Variants in NAPA observed in about 807,000 individuals in gnomAD.
The protein encoded by NAPA is alpha-soluble NSF attachment protein.
Under a neutral mutation model 48.0 loss-of-function variants are expected in NAPA, and 18 were observed. The ratio of observed to expected loss-of-function variants is 0.38; its 90% CI spans 0.26 to 0.56. NAPA has a LOEUF of 0.56. NAPA is among the 20% of genes least tolerant of loss of function. NAPA has a pLI of 0.77. For missense variants in NAPA, 315 were observed against 385.0 expected, an observed-to-expected ratio of 0.82 and a Z score of 1.52; for synonymous variants, 152 against 149.9, an observed-to-expected ratio of 1.01 and a Z score of -0.10.
At chr19:47,510,109 TG>T (rs2122780050) in intron 1 of NAPA, among the ~76,000 whole-genome samples, 1 of 152,316 alleles carries the variant, frequency 6.6e-6, no homozygotes, top group Admixed American at 6.5e-5. Context: ...TTGTGGATCT[TG>T]GCAGCTGGCA....
Position 47,492,055 on chromosome 19 carries a change from G to A in NAPA, c.626C>T (p.Ala209Val), listed in dbSNP as rs200232586. Reference protein sequence around the residue: ...KYSAKDYFFKAALCHFCIDML... With the variant: ...KYSAKDYFFKVALCHFCIDML... ...GTCGATGCAGAAGTGGCAGAGGGCC[G>A]CCTTGAAGAAGTAGTCTTTGGCGCT... Residue 209 changes from alanine (A) to valine (V), a missense_variant, in exon 8 of 11, where the codon GCG (alanine) becomes GTG (valine). By Grantham distance (64) the Ala-to-Val change is moderately conservative. Around this residue, in one of 3 missense-constraint regions of NAPA, gnomAD observed 137 missense variants for 150.1 expected, o/e 0.91. Coordinates refer to ENST00000263354, the MANE Select transcript of NAPA (RefSeq NM_003827.4). 1.2e-5 allele frequency: 19 copies of A among 1,613,978 alleles called. No individual in the cohort carries two copies. The highest frequency in any genetic ancestry group is 1.7e-5 in the Admixed American group (1 of 60,002).
At chr19:47,495,351 C>G (rs1380163250) in intron 4 of NAPA, 199 bp downstream of exon 4, 1 of 632,364 alleles carries the variant, frequency 1.6e-6, no homozygotes, top group Non-Finnish European at 2.8e-6. Context: ...AGGGGGCCGT[C>G]AGGCTGGTGG....
downstream of NAPA, among the ~76,000 whole-genome samples, chr19:47,485,529 G>C (rs538650735): frequency 3.3e-5 from 5 of 152,330 alleles, no homozygotes; most frequent in African/African-American, 1.2e-4. Context: ...GACACCTCGA[G>C]CACACACAGA....
downstream of NAPA, among the ~76,000 whole-genome samples, chr19:47,485,643 G>A (rs1489784186): frequency 6.6e-6 from 1 of 152,184 alleles, no homozygotes; most frequent in Admixed American, 6.5e-5. Context: ...CAGAAAATAT[G>A]TGTCAAAAAT....
Position 47,493,775 on chromosome 19 carries a change from G to T in NAPA, c.343-282C>A, listed in dbSNP as rs1426901133. 2.7e-5 allele frequency: 12 copies of T among 445,942 alleles called. No homozygotes were observed. Among genetic ancestry groups the T allele is most frequent in the Non-Finnish European group, 1.7e-5 (4 of 241,646 alleles). The allele number at this position is 445,942 out of a possible 1,614,324, so 27.6% of individuals were successfully genotyped here. A position where few individuals can be genotyped will look rare whatever the true frequency, so the allele number is the denominator to read the frequency against. ...CCATCCCATCCACGAGGGCACAGAT[G>T]GTGTGACACCAGAGAGAATGTGAGC... On this transcript the variant is annotated intron_variant, in intron 4 of 10. Transcript: ENST00000263354. The surrounding 1 kb of genome is among the most constrained non-coding windows in gnomAD (Gnocchi z 6.4).
At chr19:47,485,930 C>T (rs539276726), downstream of NAPA, among the ~76,000 whole-genome samples, 1 of 152,276 alleles carries the variant, frequency 6.6e-6, no homozygotes, top group East Asian at 1.9e-4. Flanking sequence ...GTCTTCCCGC[C>T]CTAGTAACCT....
At position 47,513,290 on chromosome 19, in the gene NAPA, C is replaced by T. The variant is rs375102987; in HGVS notation, c.98+1553G>A. Among the ~76,000 whole-genome samples the T allele has an allele frequency of 2.6e-5, 4 of 152,236 alleles. No individual in the cohort carries two copies. In the East Asian group the frequency reaches 7.7e-4, roughly 29 times the overall value. On this transcript the variant is annotated intron_variant, in intron 1 of 10. Transcript: ENST00000263354. ...CTCCCTCTCCTGACCCCTCCCAGAC[C>T]TCTCCGCTCGGGCGTCCACCTTGAA...
chr19:47,508,776 C>A (rs1460055279), intron 1 of NAPA, among the ~76,000 whole-genome samples: 1 of 151,956 alleles, frequency 6.6e-6, no homozygotes, highest in African/African-American at 2.4e-5. Context: ...TGCTGAGATT[C>A]CATTCTTTAT....
rs1447616163 is a variant in NAPA at position 47,501,649 on chromosome 19, T to G, written c.179-900A>C. On this transcript the variant is annotated intron_variant, in intron 2 of 10. Transcript: ENST00000263354. ...ACCGTGCCTGAAGCCTCATCCATCC[T>G]GTGCTCATCTGCACACGGTCAGCTT... The G allele has an allele frequency of 3.3e-5, 5 of 152,290 alleles. No individual in the cohort carries two copies. The East Asian group carries it at 9.6e-4, about 29-fold the overall frequency. 9.4% of individuals were successfully genotyped at this position (152,290 alleles called of 1,614,324 possible).
At chr19:47,492,309 C>A in intron 7 of NAPA, 190 bp from the exon 8 acceptor site, 1 of 565,490 alleles carries the variant, frequency 1.8e-6, no homozygotes, top group Non-Finnish European at 3.2e-6. Flanking sequence ...CGTGAGCGAC[C>A]AAGATCAGGG....
At chr19:47,488,916 CAAA>C (rs71334209) in intron 10 of NAPA, 5 of 95,254 alleles carry the variant, frequency 5.2e-5, no homozygotes, top group Non-Finnish European at 6.6e-5. Flanking sequence ...GACTCCGTCT[CAAA>C]AAAAAAAAAA....
chr19:47,507,082 T>C (rs2122772887), intron 1 of NAPA: 2 of 152,558 alleles, frequency 1.3e-5, no homozygotes, highest in Middle Eastern at 6.8e-3. Flanking sequence ...TGGCAGCGCA[T>C]GTGACAGCTG....
intron 4 of NAPA, chr19:47,495,027 G>C (rs1968383848): frequency 6.5e-6 from 1 of 154,034 alleles, no homozygotes; most frequent in Non-Finnish European, 1.4e-5. Flanking sequence ...TTTTGAGACA[G>C]GGTCTTGTTT....
At chr19:47,508,090 G>A (rs1968728543) in intron 1 of NAPA, among the ~76,000 whole-genome samples, 2 of 152,164 alleles carry the variant, frequency 1.3e-5, no homozygotes, top group African/African-American at 2.4e-5. Context: ...CACGAGCAGA[G>A]GCTGCTCTCT....
In NAPA at chr19:47,490,866, AGG is replaced by A. The variant is rs1449784988; in HGVS notation, c.667-12_667-11del. ...ACTTTTGGACAGCCAGCTGGGCAGC[AGG>A]GAAGGGAGAAGATGAGTTAGTAACA... On this transcript the variant is annotated splice_polypyrimidine_tract_variant and intron_variant, in intron 8 of 10. Transcript: ENST00000263354. 4 of 1,612,694 alleles carry A rather than the reference AGG, an allele frequency of 2.5e-6. No homozygotes were observed. The highest frequency in any genetic ancestry group is 3.4e-6 in the Non-Finnish European group (4 of 1,179,272).
chr19:47,490,088 G>C (rs1276896040), intron 9 of NAPA, among the ~76,000 whole-genome samples: 1 of 145,926 alleles, frequency 6.9e-6, no homozygotes, highest in Non-Finnish European at 1.5e-5. Context: ...GTGTGTGTTG[G>C]GGTGTGGTGT....
rs1345441263 is a variant in NAPA, at chr19:47,489,764, G to C, written c.736-3C>G. 6.2e-7 allele frequency: 1 copy of C among 1,613,870 alleles called. No homozygotes were observed. The highest frequency in any genetic ancestry group is 8.5e-7 in the Non-Finnish European group (1 of 1,179,984). ...TCCTCGTGGGCCTCTAGCAATTTCT[G>C]CAAGCAAATGGCAGAGAGGGGTCAG... On this transcript the variant is annotated splice_region_variant and splice_polypyrimidine_tract_variant and intron_variant, in intron 9 of 10. Coordinates refer to ENST00000263354, the MANE Select transcript of NAPA (RefSeq NM_003827.4).
chr19:47,503,309 G>C, intron 2 of NAPA, 114 bp downstream of exon 2: 1 of 928,452 alleles, frequency 1.1e-6, no homozygotes, highest in South Asian at 1.3e-5. Flanking sequence ...CGATGCCGGA[G>C]AGGGCATACA....
chr19:47,502,102 G>A (rs1165618232), intron 2 of NAPA, among the ~76,000 whole-genome samples: 1 of 151,840 alleles, frequency 6.6e-6, no homozygotes, highest in Admixed American at 6.6e-5. Flanking sequence ...TAAGCTGGGC[G>A]TAGTGGCACG....
Sources: gnomAD v4.1 joint callset for allele counts (sites outside exome capture counted in the v4.1 genomes callset) on GRCh38, gnomAD v4.1.1 for gene constraint, gnomAD v4.1.1 regional missense constraint, Gnocchi (gnomAD v3.1) non-coding constraint, MANE v1.5 for transcripts, NCBI Gene and HGNC (gene_info 2026-07-23, HGNC 2026-07-21) for gene names.